Variants in IQSEC1 observed in about 807,000 individuals in gnomAD.
IQSEC1 encodes IQ motif and SEC7 domain-containing protein 1.
IQSEC1 carries 31 observed loss-of-function variants against 91.0 expected under a neutral mutation model. The ratio of observed to expected loss-of-function variants is 0.34; its 90% CI spans 0.26 to 0.46. IQSEC1 has a LOEUF of 0.46. Ranked by LOEUF, IQSEC1 falls within the 20% of genes least tolerant of loss-of-function variation. The pLI is 1.00. For synonymous variants in IQSEC1, 699 were observed against 662.6 expected (o/e 1.05, Z -0.84); for missense variants, 1,388 against 1,575.6 (o/e 0.88, Z 2.02).
At chr3:13,001,412 A>G (rs1308725393) in intron 1 of IQSEC1, among the ~76,000 whole-genome samples, 2 of 152,226 alleles carry the variant, frequency 1.3e-5, no homozygotes, top group Non-Finnish European at 2.9e-5. Flanking sequence ...CAAACTTAAG[A>G]ACTGATGGGC....
rs1702051993 is a variant in IQSEC1 at position 12,992,916 on chromosome 3, C to G, written c.24-51051G>C. 6.6e-6 allele frequency among the ~76,000 whole-genome samples: 1 copy of G among 152,138 alleles called. No homozygotes were observed. The highest frequency in any genetic ancestry group is 2.4e-5 in the African/African-American group (1 of 41,418). On this transcript the variant is annotated intron_variant, in intron 1 of 13. Transcript: ENST00000613206. This position sits in a 1 kb window ranked among gnomAD's most constrained non-coding sequence, Gnocchi z 4.1. ...CTATTAGGGGTGGGGAGAAGCTTGA[C>G]TCACCTCTGCCAACCCACCCTGCCT... is the stretch of plus-strand genomic sequence containing the variant.
At chr3:13,200,905 A>G (rs1403705883) in intron 1 of IQSEC1, among the ~76,000 whole-genome samples, 1 of 152,206 alleles carries the variant, frequency 6.6e-6, no homozygotes, top group African/African-American at 2.4e-5. Context: ...CAGGCATAGA[A>G]GGGTGAGTTA....
chr3:13,205,891 TC>T (rs1461116266), intron 1 of IQSEC1, among the ~76,000 whole-genome samples: 6 of 74,834 alleles, frequency 8.0e-5, no homozygotes, highest in African/African-American at 2.1e-4. Context: ...CCCCCATTCA[TC>T]CCCCATCCCC....
At chr3:13,240,830 A>C (rs914364990) in intron 1 of IQSEC1, among the ~76,000 whole-genome samples, 1 of 152,184 alleles carries the variant, frequency 6.6e-6, no homozygotes, top group African/African-American at 2.4e-5. Context: ...TAAATCCGAC[A>C]CACTTTGGAT....
chr3:13,249,039 A>G (rs1332267411), intron 1 of IQSEC1, among the ~76,000 whole-genome samples: 1 of 152,092 alleles, frequency 6.6e-6, no homozygotes, highest in Non-Finnish European at 1.5e-5. Flanking sequence ...CTCCTGACTC[A>G]GACTGTGGGC....
At position 12,936,357 on chromosome 3, in the gene IQSEC1, T is replaced by C; in HGVS notation, c.659A>G (p.Asp220Gly). Residue 220 changes from aspartate to glycine, a missense_variant, in exon 3 of 14, where the codon GAC becomes GGC. By Grantham distance (94) the Asp-to-Gly change is moderately conservative. Transcript: ENST00000613206. ...KSPAPSSDFA[D>G]AITELEDAFS... Reference sequence around the variant, plus strand: ...GGCGTCCTCCAGCTCGGTGATGGCGTCCGCAAAGTCACTGGAGGGGGCCGG... The same window carrying C: ...GGCGTCCTCCAGCTCGGTGATGGCGCCCGCAAAGTCACTGGAGGGGGCCGG... 1.2e-6 allele frequency: 2 copies of C among 1,603,428 alleles called. No individual in the cohort carries two copies. The highest frequency in any genetic ancestry group is 2.2e-5 in the South Asian group (2 of 90,316).
chr3:13,281,386 C>A (rs972848937), intron 1 of IQSEC1, among the ~76,000 whole-genome samples: 3 of 152,136 alleles, frequency 2.0e-5, no homozygotes, highest in Non-Finnish European at 4.4e-5. Context: ...CAGTTAGGAG[C>A]TATACACACG....
chr3:13,127,210 C>T (rs1036830033), intron 2 of IQSEC1, among the ~76,000 whole-genome samples: 1 of 151,834 alleles, frequency 6.6e-6, no homozygotes, highest in Non-Finnish European at 1.5e-5. Flanking sequence ...GTCTGGAGTT[C>T]GAGACCAGCC....
chr3:13,082,985 C>G (rs893722137), intron 2 of IQSEC1, among the ~76,000 whole-genome samples: 13 of 152,204 alleles, frequency 8.5e-5, no homozygotes, highest in African/African-American at 2.9e-4. Context: ...GGCAGAGTGT[C>G]TATTCCTGCC....
At chr3:13,179,747 G>A (rs150910771) in intron 1 of IQSEC1, among the ~76,000 whole-genome samples, 3,951 of 152,394 alleles carry the variant, frequency 0.026, 83 homozygotes, top group Non-Finnish European at 0.037. Context: ...TTGCAGGGAG[G>A]TGTGGAGGGA....
At chr3:13,161,375 G>A (rs924785287) in intron 2 of IQSEC1, among the ~76,000 whole-genome samples, 19 of 152,200 alleles carry the variant, frequency 1.2e-4, no homozygotes, top group Non-Finnish European at 8.8e-5. Flanking sequence ...GGGTAGAAGC[G>A]CTCAGAGAGA....
intron 1 of IQSEC1, among the ~76,000 whole-genome samples, chr3:13,177,988 C>G (rs1161743084): frequency 6.6e-6 from 1 of 152,380 alleles, no homozygotes. Context: ...ACAGCAACAT[C>G]CCTGAACAGC....
intron 1 of IQSEC1, among the ~76,000 whole-genome samples, chr3:13,072,134 T>C (rs1469232523): frequency 2.0e-5 from 3 of 152,240 alleles, no homozygotes; most frequent in Non-Finnish European, 4.4e-5. Flanking sequence ...CCATGCTCTC[T>C]AACCTCCTAA....
intron 1 of IQSEC1, among the ~76,000 whole-genome samples, chr3:12,977,192 T>C (rs1248945549): frequency 6.6e-6 from 1 of 151,704 alleles, no homozygotes; most frequent in Non-Finnish European, 1.5e-5. Context: ...ACTAAAAATA[T>C]AAAAAATTAG....
rs1428663733 is a variant in IQSEC1 at position 12,898,355 on chromosome 3, T to C, written c.*2628A>G. 3 of 152,252 alleles carry C rather than the reference T, an allele frequency of 2.0e-5. No individual in the cohort carries two copies. The highest frequency in any genetic ancestry group is 7.2e-5 in the African/African-American group (3 of 41,460). The allele number at this position is 152,252 out of a possible 1,614,324, so 9.4% of individuals were successfully genotyped here. On this transcript the variant is annotated 3_prime_UTR_variant, in exon 14 of 14. Transcript: ENST00000613206. ...TGATAAGCTTGCAAATAAAACAGAA[T>C]GAAACCTCACTAGCCTGAAGGAACA...
intron 1 of IQSEC1, among the ~76,000 whole-genome samples, chr3:12,948,935 C>T (rs1283408242): frequency 2.6e-5 from 4 of 152,160 alleles, no homozygotes; most frequent in Admixed American, 1.3e-4. Context: ...CATATACATA[C>T]GCAAACACAA....
intron 1 of IQSEC1, among the ~76,000 whole-genome samples, chr3:13,248,537 T>C (rs904495385): frequency 2.0e-5 from 3 of 152,270 alleles, no homozygotes; most frequent in African/African-American, 7.2e-5. Context: ...CCAAGGCCTG[T>C]CCACACCATC....
intron 1 of IQSEC1, among the ~76,000 whole-genome samples, chr3:13,194,551 C>A (rs1033901616): frequency 6.6e-6 from 1 of 152,156 alleles, no homozygotes; most frequent in African/African-American, 2.4e-5. Context: ...TCGCTTTCCA[C>A]CCCCCTTCTC....
intron 1 of IQSEC1, among the ~76,000 whole-genome samples, chr3:12,968,757 G>C (rs965679089): frequency 3.9e-5 from 6 of 152,238 alleles, no homozygotes; most frequent in African/African-American, 1.4e-4. Flanking sequence ...AACCCCACCT[G>C]TCCTGGGCCA....
Sources: gnomAD v4.1 joint callset for allele counts (sites outside exome capture counted in the v4.1 genomes callset) on GRCh38, gnomAD v4.1.1 for gene constraint, Gnocchi (gnomAD v3.1) non-coding constraint, MANE v1.5 for transcripts, NCBI Gene and HGNC (gene_info 2026-07-23, HGNC 2026-07-21) for gene names.